JAKMIP3: variants seen among roughly 807,000 people sequenced by gnomAD.
JAKMIP3 encodes the protein janus kinase and microtubule-interacting protein 3.
A neutral mutation model predicts 118.5 loss-of-function variants in JAKMIP3; 58 were observed. That is an observed-to-expected ratio of 0.49 (90% CI 0.40 to 0.61). The LOEUF (loss-of-function observed/expected upper bound fraction) is 0.61, where lower values mean the gene tolerates loss of function less well. Ranked by LOEUF, JAKMIP3 falls within the 20% of genes least tolerant of loss-of-function variation. The probability of loss-of-function intolerance (pLI) is 0.00; values close to 1 mark genes in which losing one functional copy is unlikely to be tolerated. For synonymous variants in JAKMIP3, 486 were observed against 451.2 expected (o/e 1.08, Z -0.98); for missense variants, 950 against 1,109.0 (o/e 0.86, Z 2.04).
intron 22 of JAKMIP3, among the ~76,000 whole-genome samples, 151 bp from the exon 23 acceptor site, chr10:132,167,802 T>TCCTCACCCCTCACCCCTCGGC (rs1590019132): frequency 6.7e-6 from 1 of 148,232 alleles, no homozygotes; most frequent in East Asian, 2.0e-4. Flanking sequence ...AGCCCTTCGG[T>TCCTCACCCCTCACCCCTCGGC]CCTCACCCCT....
rs374761045 is a variant in JAKMIP3, at chr10:132,179,800, G to A, written c.*1104-2557G>A. Among the ~76,000 whole-genome samples, 7 of 146,128 alleles carry A rather than the reference G, an allele frequency of 4.8e-5. No homozygotes were observed. In the South Asian group the frequency reaches 1.2e-3, roughly 26 times the overall value. ...ACCATGGCACAGCCACACCATTATC[G>A]CAGCCCTATAATCGGGAGGCATGGC... On this transcript the variant is annotated intron_variant, in intron 23 of 23. Coordinates refer to ENST00000684848, the MANE Select transcript of JAKMIP3 (RefSeq NM_001323087.2). The surrounding 1 kb of genome is among the most constrained non-coding windows in gnomAD (Gnocchi z 4.3).
Position 132,153,031 on chromosome 10 carries a change from C to A in JAKMIP3, c.2073+8C>A. 6.2e-7 allele frequency: 1 copy of A among 1,603,536 alleles called. No individual in the cohort carries two copies. Among genetic ancestry groups the A allele is most frequent in the South Asian group, 1.1e-5 (1 of 89,046 alleles). On this transcript the variant is annotated splice_region_variant and intron_variant, in intron 17 of 23. Coordinates refer to ENST00000684848, the MANE Select transcript of JAKMIP3 (RefSeq NM_001323087.2). Reference sequence around the variant, plus strand: ...CTGACCTTGGCCGAAAAGGTAACAGCAGCTGTGTGGACAGTCGGGAGAGGG... The same window carrying A: ...CTGACCTTGGCCGAAAAGGTAACAGAAGCTGTGTGGACAGTCGGGAGAGGG...
At chr10:132,158,061 T>A (rs1176433099) in intron 19 of JAKMIP3, among the ~76,000 whole-genome samples, 2 of 147,714 alleles carry the variant, frequency 1.4e-5, no homozygotes, top group African/African-American at 5.3e-5. Context: ...ACCTCCAGGA[T>A]GGCTGCCCAC....
intron 1 of JAKMIP3, among the ~76,000 whole-genome samples, chr10:132,097,272 C>A (rs1031940483): frequency 6.6e-6 from 1 of 152,156 alleles, no homozygotes; most frequent in African/African-American, 2.4e-5. Flanking sequence ...GGGCGAGTGG[C>A]GAAAGATACA....
At chr10:132,088,430 G>T (rs1272664521) in intron 1 of JAKMIP3, among the ~76,000 whole-genome samples, 1 of 152,276 alleles carries the variant, frequency 6.6e-6, no homozygotes, top group African/African-American at 2.4e-5. Flanking sequence ...TCTCACTGTG[G>T]TTTTGATTTG....
At chr10:132,038,180 C>T (rs2037579080) in intron 1 of JAKMIP3, among the ~76,000 whole-genome samples, 1 of 152,140 alleles carries the variant, frequency 6.6e-6, no homozygotes, top group Admixed American at 6.5e-5. Flanking sequence ...CTTTTATTGT[C>T]AATTTCCAAT....
chr10:132,094,875 G>A (rs922086571), intron 1 of JAKMIP3, among the ~76,000 whole-genome samples: 1 of 152,130 alleles, frequency 6.6e-6, no homozygotes, highest in African/African-American at 2.4e-5. Context: ...CAGTGTCTGA[G>A]CTCAGACTCT....
chr10:132,137,308 C>G lies in JAKMIP3; in HGVS notation c.1284+19C>G. 1 of 1,613,622 alleles carries G rather than the reference C, an allele frequency of 6.2e-7. No individual in the cohort carries two copies. The highest frequency in any genetic ancestry group is 1.1e-5 in the South Asian group (1 of 91,076). On this transcript the variant is annotated intron_variant, in intron 8 of 23. Transcript: ENST00000684848. ...CGTGTTAGTAAGTATGGTCAGCGCC[C>G]GCTTCCCCACGCCTCCGCTCCCCAC...
At chr10:132,054,903 TG>T (rs1439075605) in intron 1 of JAKMIP3, among the ~76,000 whole-genome samples, 6 of 148,938 alleles carry the variant, frequency 4.0e-5, no homozygotes, top group Admixed American at 6.7e-5. Context: ...TTGGGGATAG[TG>T]AGAGTCCTGC....
At chr10:132,054,247 G>C (rs911386433) in intron 1 of JAKMIP3, among the ~76,000 whole-genome samples, 2 of 151,958 alleles carry the variant, frequency 1.3e-5, no homozygotes, top group African/African-American at 4.8e-5. Flanking sequence ...GAGCTGGCAG[G>C]CTCAGGGAAG....
At chr10:132,099,226 C>T (rs1006289453) in intron 1 of JAKMIP3, among the ~76,000 whole-genome samples, 4 of 152,078 alleles carry the variant, frequency 2.6e-5, no homozygotes, top group African/African-American at 9.7e-5. Flanking sequence ...GGGGGCCAGC[C>T]TCCTCGTCAG....
chr10:132,097,120 C>T (rs1293022486), intron 1 of JAKMIP3, among the ~76,000 whole-genome samples: 1 of 152,250 alleles, frequency 6.6e-6, no homozygotes. Context: ...GGCACCACCA[C>T]CAAATACAGG....
intron 3 of JAKMIP3, among the ~76,000 whole-genome samples, chr10:132,127,919 A>G (rs946517577): frequency 2.6e-5 from 4 of 152,202 alleles, no homozygotes; most frequent in Non-Finnish European, 5.9e-5. Flanking sequence ...CCATTTACCC[A>G]CTTCTCCTAT....
rs1038043232 is a variant in JAKMIP3 at position 132,135,247 on chromosome 10, G to A, written c.969+87G>A. Reference sequence around the variant, plus strand: ...GGGGCATCCACTTTCAAAATTCCTTGCGTAAAGGAGTGGTGGTTGCAAGGA... The same window carrying A: ...GGGGCATCCACTTTCAAAATTCCTTACGTAAAGGAGTGGTGGTTGCAAGGA... On this transcript the variant is annotated intron_variant, in intron 5 of 23. Coordinates refer to ENST00000684848, the MANE Select transcript of JAKMIP3 (RefSeq NM_001323087.2). 3 of 1,347,174 alleles carry A rather than the reference G, an allele frequency of 2.2e-6. No homozygotes were observed. In the African/African-American group the frequency reaches 4.4e-5, roughly 20 times the overall value. 83.5% of individuals were successfully genotyped at this position (1,347,174 alleles called of 1,614,324 possible).
chr10:132,115,970 C>CAA (rs2047579392), intron 2 of JAKMIP3, among the ~76,000 whole-genome samples: 1 of 152,208 alleles, frequency 6.6e-6, no homozygotes, highest in South Asian at 2.1e-4. Flanking sequence ...AGCGGGAGAG[C>CAA]AAAGCCCTTG....
At chr10:132,078,319 G>A (rs564827574) in intron 1 of JAKMIP3, among the ~76,000 whole-genome samples, 1 of 150,728 alleles carries the variant, frequency 6.6e-6, no homozygotes, top group Non-Finnish European at 1.5e-5. Flanking sequence ...TAATAAAGAT[G>A]TGGAAGGATT....
chr10:132,157,987 T>C (rs2057298820), intron 19 of JAKMIP3, among the ~76,000 whole-genome samples: 1 of 152,130 alleles, frequency 6.6e-6, no homozygotes, highest in Admixed American at 6.5e-5. Flanking sequence ...ATTCCAGTGT[T>C]TTCTTTCAGC....
At chr10:132,082,876 G>A (rs1036033049) in intron 1 of JAKMIP3, among the ~76,000 whole-genome samples, 2 of 152,162 alleles carry the variant, frequency 1.3e-5, no homozygotes, top group African/African-American at 2.4e-5. Flanking sequence ...CCCAAAGTGC[G>A]GGAATACAGG....
chr10:132,167,850 C>G lies in JAKMIP3; in HGVS notation c.*23-103C>G, dbSNP rs574630861. On this transcript the variant is annotated intron_variant, in intron 22 of 23. Transcript: ENST00000684848. ...CTCACCCCTCGGCCCTCGCCCCTCG[C>G]CCCTCACCCCTCGGCCCTCGCCCCT... 29 of 825,180 alleles carry G rather than the reference C, an allele frequency of 3.5e-5. No homozygotes were observed. In the African/African-American group the frequency reaches 4.8e-4, roughly 14 times the overall value. The allele number at this position is 825,180 out of a possible 1,614,324, so 51.1% of individuals were successfully genotyped here. A position where few individuals can be genotyped will look rare whatever the true frequency, so the allele number is the denominator to read the frequency against.
Sources: allele counts gnomAD v4.1 joint callset (sites outside exome capture counted in the v4.1 genomes callset), GRCh38; gene constraint gnomAD v4.1.1; non-coding constraint Gnocchi (gnomAD v3.1); transcripts MANE v1.5; gene names NCBI Gene and HGNC (gene_info 2026-07-23, HGNC 2026-07-21).